The following SGSM1 variants were observed in gnomAD, a reference collection of about 807,000 sequenced individuals.
SGSM1 encodes small G protein signaling modulator 1.
SGSM1 carries 73 observed loss-of-function variants against 133.8 expected under a neutral mutation model. The observed-to-expected ratio is 0.55, with a 90% CI of 0.45 to 0.66. The LOEUF is 0.66. SGSM1 is among the 30% of genes least tolerant of loss of function. The probability of loss-of-function intolerance (pLI) is 0.00; values close to 1 mark genes in which losing one functional copy is unlikely to be tolerated. For synonymous variants in SGSM1, 563 were observed against 573.0 expected, an observed-to-expected ratio of 0.98 and a Z score of 0.25; for missense variants, 1,213 against 1,448.1, an observed-to-expected ratio of 0.84 and a Z score of 2.64.
At chr22:24,901,316 T>G (rs918756509) in intron 19 of SGSM1, 1 of 152,148 alleles carries the variant, frequency 6.6e-6, no homozygotes, top group Non-Finnish European at 1.5e-5. Context: ...TAGGAAGGTC[T>G]CTTATTAGAT....
chr22:24,874,115 TTTC>T (rs1464008467), intron 12 of SGSM1, among the ~76,000 whole-genome samples: 1 of 152,176 alleles, frequency 6.6e-6, no homozygotes, highest in Non-Finnish European at 1.5e-5. Flanking sequence ...TGAGCCTCAG[TTTC>T]TTCTTCTGCA....
rs369741898 is a variant in SGSM1, at chr22:24,901,988, A to T, written c.2735+31A>T. On this transcript the variant is annotated intron_variant, in intron 20 of 24. Transcript: ENST00000400358. Reference sequence around the variant, plus strand: ...TGGGGACAGCGAGGGGATCTAGGGGATGGGGATGGTGGGTGGGTGGGATGG... The same window carrying T: ...TGGGGACAGCGAGGGGATCTAGGGGTTGGGGATGGTGGGTGGGTGGGATGG... 12 of 151,208 alleles carry T rather than the reference A, an allele frequency of 7.9e-5. No individual in the cohort carries two copies. The African/African-American group carries it at 1.0e-3, about 13-fold the overall frequency. The allele number at this position is 151,208 out of a possible 1,614,324, so 9.4% of individuals were successfully genotyped here.
chr22:24,818,530 G>A (rs534408923), intron 2 of SGSM1, among the ~76,000 whole-genome samples: 6 of 151,704 alleles, frequency 4.0e-5, no homozygotes, highest in Non-Finnish European at 8.8e-5. Context: ...ACCACATCCG[G>A]CTAATTTTTG....
intron 5 of SGSM1, among the ~76,000 whole-genome samples, chr22:24,851,364 G>A (rs1255341983): frequency 6.9e-6 from 1 of 145,020 alleles, no homozygotes; most frequent in Non-Finnish European, 1.5e-5. Flanking sequence ...GAGGAGCCAT[G>A]GAAGAATTTA....
intron 5 of SGSM1, among the ~76,000 whole-genome samples, chr22:24,851,900 C>T (rs1307759830): frequency 6.6e-6 from 1 of 152,202 alleles, no homozygotes; most frequent in Non-Finnish European, 1.5e-5. Context: ...CTCTGGATCT[C>T]CAGTTCCCTA....
chr22:24,855,374 C>T lies in SGSM1; in HGVS notation c.613C>T (p.Arg205Cys), dbSNP rs1483815835. The T allele has an allele frequency of 3.1e-6, 5 of 1,613,558 alleles. No homozygotes were observed. The highest frequency in any genetic ancestry group is 1.1e-5 in the South Asian group (1 of 91,000). Reference protein sequence around the residue: ...PSADELVQRHRIHSSHVRQDS... With the variant: ...PSADELVQRHCIHSSHVRQDS... ...GGCTGACGAACTTGTCCAGAGGCAC[C>T]GCATCCACAGCTCCCACGTGCGGCA... Residue 205 changes from arginine (R) to cysteine (C), a missense_variant, in exon 7 of 25, where the codon CGC (arginine) becomes TGC (cysteine). By Grantham distance (180) the Arg-to-Cys change is radical. Coordinates refer to ENST00000400358, the MANE Select transcript of SGSM1 (RefSeq NM_001098497.3).
intron 5 of SGSM1, among the ~76,000 whole-genome samples, chr22:24,852,811 A>G (rs555513517): frequency 1.6e-4 from 24 of 152,206 alleles, no homozygotes; most frequent in Non-Finnish European, 2.8e-4. Flanking sequence ...TTTTGATCGT[A>G]TAATTCTGCT....
intron 12 of SGSM1, among the ~76,000 whole-genome samples, chr22:24,873,235 T>G (rs959164661): frequency 6.6e-6 from 1 of 152,096 alleles, no homozygotes; most frequent in Non-Finnish European, 1.5e-5. Context: ...AGTCCTGGGA[T>G]TGCAGGCGTG....
At chr22:24,877,395 T>G (rs1005918235) in intron 13 of SGSM1, among the ~76,000 whole-genome samples, 1 of 152,158 alleles carries the variant, frequency 6.6e-6, no homozygotes, top group Non-Finnish European at 1.5e-5. Context: ...ACTTAATGTT[T>G]TATTATATAA....
Position 24,876,586 on chromosome 22 carries a change from A to T in SGSM1, c.1301A>T (p.Asp434Val). The T allele has an allele frequency of 6.2e-7, 1 of 1,613,980 alleles. No homozygotes were observed. Among genetic ancestry groups the T allele is most frequent in the Non-Finnish European group, 8.5e-7 (1 of 1,179,894 alleles). The stretch of plus-strand genomic sequence containing the variant: ...CTTCTATCCACCACAGTGCCCCAGG[A>T]TCTGATGGACGTCTCTGTAAGCAAC... Reference protein sequence around the residue: ...PGMQSEFVPQDLMDVSVSNLP... With the variant: ...PGMQSEFVPQVLMDVSVSNLP... The change falls in exon 13 of 25, where the codon GAT becomes GTT. Residue 434 changes from aspartate (D) to valine (V), a missense_variant. Coordinates refer to ENST00000400358, the MANE Select transcript of SGSM1 (RefSeq NM_001098497.3).
At chr22:24,902,918 A>G (rs1189049775) in intron 20 of SGSM1, among the ~76,000 whole-genome samples, 1 of 152,068 alleles carries the variant, frequency 6.6e-6, no homozygotes, top group Non-Finnish European at 1.5e-5. Flanking sequence ...GTATACGCCT[A>G]TAGTCGTAGC....
At chr22:24,873,999 G>A (rs1016382881) in intron 12 of SGSM1, among the ~76,000 whole-genome samples, 10 of 152,140 alleles carry the variant, frequency 6.6e-5, no homozygotes, top group Admixed American at 1.3e-4. Context: ...TACTCAGTAG[G>A]GACAGCAGTT....
At chr22:24,809,972 C>T (rs1445152135) in intron 2 of SGSM1, among the ~76,000 whole-genome samples, 1 of 152,140 alleles carries the variant, frequency 6.6e-6, no homozygotes, top group Non-Finnish European at 1.5e-5. Context: ...TAAGAAAAAC[C>T]ATTCCTGGCA....
rs116838032 is a variant in SGSM1, at chr22:24,848,779, C to T, written c.302+983C>T. On this transcript the variant is annotated intron_variant, in intron 4 of 24. Transcript: ENST00000400358. ...AAAGGCAGGGAAGACACAAGCATGTCCTATGTTTGCAGTCTCTGCTGTGGA... is the reference window on the plus strand; with the variant it reads ...AAAGGCAGGGAAGACACAAGCATGTTCTATGTTTGCAGTCTCTGCTGTGGA... Among the ~76,000 whole-genome samples the T allele has an allele frequency of 7.1e-3, 1,082 of 152,342 alleles. 12 individuals carry two copies. The highest frequency in any genetic ancestry group is 0.025 in the African/African-American group (1,033 of 41,578).
At chr22:24,854,809 T>A (rs919483931) in intron 5 of SGSM1, among the ~76,000 whole-genome samples, 187 bp from the exon 6 acceptor site, 2 of 152,118 alleles carry the variant, frequency 1.3e-5, no homozygotes, top group Non-Finnish European at 2.9e-5. Flanking sequence ...GAGAAAGACC[T>A]TATCTTAAAA....
intron 21 of SGSM1, among the ~76,000 whole-genome samples, chr22:24,906,295 A>G (rs999807355): frequency 6.6e-6 from 1 of 152,228 alleles, no homozygotes; most frequent in Non-Finnish European, 1.5e-5. Flanking sequence ...CCTCACAAAT[A>G]TCATCATACT....
At chr22:24,820,956 A>G (rs1217315826) in intron 2 of SGSM1, among the ~76,000 whole-genome samples, 1 of 152,246 alleles carries the variant, frequency 6.6e-6, no homozygotes, top group Non-Finnish European at 1.5e-5. Flanking sequence ...GGTAGGTGGC[A>G]GCTTACCTGG....
At chr22:24,839,148 T>C (rs1054245388) in intron 2 of SGSM1, among the ~76,000 whole-genome samples, 2 of 152,192 alleles carry the variant, frequency 1.3e-5, no homozygotes, top group African/African-American at 4.8e-5. Context: ...CTCAACCTCC[T>C]GGGCTCAAGC....
chr22:24,835,220 A>G (rs931723674), intron 2 of SGSM1, among the ~76,000 whole-genome samples: 3 of 152,208 alleles, frequency 2.0e-5, no homozygotes, highest in African/African-American at 7.2e-5. Flanking sequence ...GTTCCAGGGC[A>G]GCGGGGGTGT....
Sources: allele counts gnomAD v4.1 joint callset (sites outside exome capture counted in the v4.1 genomes callset), GRCh38; gene constraint gnomAD v4.1.1; transcripts MANE v1.5; gene names NCBI Gene and HGNC (gene_info 2026-07-23, HGNC 2026-07-21).